Variants in CYP4X1 observed in about 807,000 individuals in gnomAD.
The protein encoded by CYP4X1 is cytochrome P450 4X1.
In CYP4X1, 44 loss-of-function variants were observed where a neutral mutation model predicts 57.9. The ratio of observed to expected loss-of-function variants is 0.76; its 90% CI spans 0.60 to 0.98. The LOEUF is 0.98. Among genes scored for constraint, CYP4X1 ranks in the 50% least tolerant of loss-of-function variants. The probability of loss-of-function intolerance (pLI) is 0.00; values close to 1 mark genes in which losing one functional copy is unlikely to be tolerated. For synonymous variants in CYP4X1, 227 were observed against 228.6 expected (o/e 0.99, Z 0.06); for missense variants, 532 against 623.9 (o/e 0.85, Z 1.57).
chr1:46,964,051 A>T, the CYP4X1 span, among the ~76,000 whole-genome samples: 11 of 146,842 alleles, frequency 7.5e-5, no homozygotes, highest in South Asian at 2.2e-4. Context: ...ACTGAGGCTT[A>T]TGCATTCATC....
chr1:46,974,950 G>T, the CYP4X1 span, among the ~76,000 whole-genome samples: 59 of 151,808 alleles, frequency 3.9e-4, no homozygotes, highest in African/African-American at 1.3e-3. Context: ...GATAGTAAGG[G>T]TATATATATA....
intron 1 of CYP4X1, among the ~76,000 whole-genome samples, chr1:47,027,911 C>T (rs1056401862): frequency 2.0e-5 from 3 of 152,186 alleles, no homozygotes; most frequent in Admixed American, 6.5e-5. Flanking sequence ...TTTGCTTGTT[C>T]ATTTATTATC....
downstream of CYP4X1, among the ~76,000 whole-genome samples, chr1:47,053,524 C>A (rs917344589): frequency 9.9e-5 from 15 of 152,150 alleles, no homozygotes; most frequent in Middle Eastern, 3.4e-3. Context: ...ACTAGTTTAC[C>A]CTCCCACCAA....
the CYP4X1 span, among the ~76,000 whole-genome samples, chr1:47,007,008 A>G: frequency 6.6e-6 from 1 of 152,244 alleles, no homozygotes; most frequent in African/African-American, 2.4e-5. Context: ...GGGGCAGGGC[A>G]TAGCCAAACA....
intron 1 of CYP4X1, among the ~76,000 whole-genome samples, chr1:47,028,419 T>G (rs1341542224): frequency 6.6e-6 from 1 of 152,328 alleles, no homozygotes; most frequent in Non-Finnish European, 1.5e-5. Context: ...TTAAATAACA[T>G]AGAACATGGA....
the CYP4X1 span, among the ~76,000 whole-genome samples, chr1:46,996,074 A>AGCGG: frequency 6.6e-6 from 1 of 152,244 alleles, no homozygotes; most frequent in African/African-American, 2.4e-5. Context: ...TACAACATGT[A>AGCGG]GCGGGCACTG....
intron 7 of CYP4X1, among the ~76,000 whole-genome samples, chr1:47,038,972 C>T (rs981503952): frequency 3.9e-5 from 6 of 152,004 alleles, no homozygotes; most frequent in Admixed American, 2.0e-4. Flanking sequence ...AAAGACTAAA[C>T]GAACGATTTG....
At chr1:47,037,726 A>G (rs1644200837) in intron 6 of CYP4X1, among the ~76,000 whole-genome samples, 2 of 151,934 alleles carry the variant, frequency 1.3e-5, no homozygotes, top group South Asian at 4.2e-4. Flanking sequence ...CCAGTTGAGA[A>G]CCACTGCCCT....
At chr1:46,981,755 G>T in the CYP4X1 span, among the ~76,000 whole-genome samples, 1 of 152,208 alleles carries the variant, frequency 6.6e-6, no homozygotes, top group African/African-American at 2.4e-5. Context: ...GTGATAGACT[G>T]GATTAAGAAA....
upstream of CYP4X1, among the ~76,000 whole-genome samples, chr1:47,019,560 A>G (rs56079820): frequency 0.056 from 8,603 of 152,286 alleles, 260 homozygotes; most frequent in East Asian, 0.13. Flanking sequence ...GGAGGCCTGT[A>G]TTAGTGAGAC....
downstream of CYP4X1, among the ~76,000 whole-genome samples, chr1:47,054,866 C>G (rs1273947382): frequency 6.6e-6 from 1 of 152,184 alleles, no homozygotes; most frequent in Non-Finnish European, 1.5e-5. Context: ...CATCTGCAAA[C>G]AGGGACAATT....
the CYP4X1 span, among the ~76,000 whole-genome samples, chr1:46,983,191 T>G: frequency 6.6e-6 from 1 of 152,146 alleles, no homozygotes; most frequent in East Asian, 1.9e-4. Context: ...GGGTGGGTAT[T>G]GCTGCAGTGG....
chr1:47,015,561 A>G, the CYP4X1 span, among the ~76,000 whole-genome samples: 1 of 152,072 alleles, frequency 6.6e-6, no homozygotes, highest in Non-Finnish European at 1.5e-5. Flanking sequence ...CCCCTTCAAA[A>G]CCAAAACTAC....
At chr1:47,009,660 C>T in the CYP4X1 span, among the ~76,000 whole-genome samples, 1 of 152,094 alleles carries the variant, frequency 6.6e-6, no homozygotes, top group Non-Finnish European at 1.5e-5. Context: ...TGATAGACCA[C>T]TAGCAAGACT....
In CYP4X1 at chr1:47,050,189, T is replaced by C. The variant is rs1336674933; in HGVS notation, c.*15T>C. ...CTGAATGTTAGATCTCAGGGTACAA[T>C]GATTAAACGTACTTTGTTTTTCGAA... On this transcript the variant is annotated 3_prime_UTR_variant, in exon 12 of 12. Transcript: ENST00000371901. The C allele has an allele frequency of 1.2e-6, 2 of 1,612,994 alleles. No individual in the cohort carries two copies. Among genetic ancestry groups the C allele is most frequent in the Admixed American group, 1.7e-5 (1 of 59,846 alleles).
Position 47,033,408 on chromosome 1 carries a change from C to T in CYP4X1, c.492+40C>T, listed in dbSNP as rs1353001938. 1.1e-5 allele frequency: 18 copies of T among 1,610,694 alleles called. No homozygotes were observed. In the African/African-American group the frequency reaches 2.0e-4, roughly 18 times the overall value. ...AAAGTGCTCTGTGCATTGCGAAATG[C>T]TCCCAGCAATGGACAGTATTAGGTA... On this transcript the variant is annotated intron_variant, in intron 4 of 11. Coordinates refer to ENST00000371901, the MANE Select transcript of CYP4X1 (RefSeq NM_178033.2).
chr1:47,038,586 C>A, intron 6 of CYP4X1, 74 bp from the exon 7 acceptor site: 2 of 1,170,822 alleles, frequency 1.7e-6, no homozygotes, highest in Admixed American at 2.3e-5. Context: ...AAGCTATTCA[C>A]TAACCATGGC....
At chr1:47,024,046 C>A (rs1411133325) in intron 1 of CYP4X1, 52 bp downstream of exon 1, 1 of 1,553,060 alleles carries the variant, frequency 6.4e-7, no homozygotes, top group Non-Finnish European at 8.7e-7. Context: ...GAGGAGGATG[C>A]GGCAGAGGAG....
chr1:47,054,150 T>TC (rs1644377484), downstream of CYP4X1, among the ~76,000 whole-genome samples: 1 of 151,538 alleles, frequency 6.6e-6, no homozygotes, highest in Non-Finnish European at 1.5e-5. Flanking sequence ...TAGCCAGTTT[T>TC]CCCAGCACCG....
Sources: gnomAD v4.1 joint callset for allele counts (sites outside exome capture counted in the v4.1 genomes callset) on GRCh38, gnomAD v4.1.1 for gene constraint, MANE v1.5 for transcripts, NCBI Gene and HGNC (gene_info 2026-07-23, HGNC 2026-07-21) for gene names.